The following UGT2A2 variants were observed in gnomAD, a reference collection of about 807,000 sequenced individuals.
The protein encoded by UGT2A2 is UDP-glucuronosyltransferase 2A2.
A neutral mutation model predicts 50.7 loss-of-function variants in UGT2A2; 60 were observed. The observed-to-expected ratio is 1.18, with a 90% CI of 0.96 to 1.47. The LOEUF is 1.47. Among genes scored for constraint, UGT2A2 ranks in the 40% most tolerant of loss-of-function variants. UGT2A2 has a pLI of 0.00. For missense variants in UGT2A2, 762 were observed against 634.0 expected (o/e 1.20, Z -2.17); for synonymous variants, 242 against 214.6 (o/e 1.13, Z -1.11).
intron 1 of UGT2A2, among the ~76,000 whole-genome samples, chr4:69,638,273 A>T (rs2109967230): frequency 6.6e-6 from 1 of 152,262 alleles, no homozygotes; most frequent in African/African-American, 2.4e-5. Context: ...AAAATAAGTA[A>T]TATAAACAAC....
rs146912371 is a variant in UGT2A2, at chr4:69,595,226, C to A, written c.1047G>T (p.Lys349Asn). ...TATTGTTTCCTAATGTGGCTGGTTTCTTTCCTTTGTATCTCCATAAAACCT... is the reference window on the plus strand; with the variant it reads ...TATTGTTTCCTAATGTGGCTGGTTTATTTCCTTTGTATCTCCATAAAACCT... ...PQKVLWRYKGKKPATLGNNTQ... is the reference protein window; with the variant it reads ...PQKVLWRYKGNKPATLGNNTQ... The change falls in exon 4 of 6, where the codon AAG (lysine) becomes AAT (asparagine). Residue 349 changes from lysine (K) to asparagine (N), a missense_variant. By Grantham distance (94) the Lys-to-Asn change is moderately conservative (BLOSUM62 0). Coordinates refer to ENST00000604629, the MANE Select transcript of UGT2A2 (RefSeq NM_001105677.2). 6,166 of 1,613,714 alleles carry A rather than the reference C, an allele frequency of 3.8e-3. 14 individuals are homozygous for A. Among genetic ancestry groups the A allele is most frequent in the Non-Finnish European group, 4.7e-3 (5,593 of 1,179,822 alleles).
chr4:69,621,832 A>C (rs988031945), intron 1 of UGT2A2, among the ~76,000 whole-genome samples: 1 of 151,912 alleles, frequency 6.6e-6, no homozygotes, highest in African/African-American at 2.4e-5. Flanking sequence ...TAAAAAGGAA[A>C]GAGAACATGT....
At chr4:69,590,661 TTGTG>T in intron 5 of UGT2A2, among the ~76,000 whole-genome samples, 1 of 134,840 alleles carries the variant, frequency 7.4e-6, no homozygotes, top group Middle Eastern at 3.9e-3. Context: ...GTGTGTGTGT[TTGTG>T]TGTCTGTCTG....
chr4:69,623,117 T>C (rs1720845668), intron 1 of UGT2A2, among the ~76,000 whole-genome samples: 1 of 151,860 alleles, frequency 6.6e-6, no homozygotes, highest in Admixed American at 6.6e-5. Flanking sequence ...CAATTATTAT[T>C]GCTTCCACAC....
chr4:69,593,942 A>AAAAT (rs1482567041), intron 5 of UGT2A2, among the ~76,000 whole-genome samples: 1 of 151,588 alleles, frequency 6.6e-6, no homozygotes, highest in Non-Finnish European at 1.5e-5. Context: ...TTTATTTTGA[A>AAAAT]AAATATTGAA....
chr4:69,635,335 T>A (rs534592610), intron 1 of UGT2A2, among the ~76,000 whole-genome samples: 44 of 152,256 alleles, frequency 2.9e-4, no homozygotes, highest in African/African-American at 9.4e-4. Flanking sequence ...TGCGCTGGGA[T>A]GGATAGAGAC....
chr4:69,627,020 T>C (rs1721099427), intron 1 of UGT2A2, among the ~76,000 whole-genome samples: 1 of 151,924 alleles, frequency 6.6e-6, no homozygotes, highest in Non-Finnish European at 1.5e-5. Context: ...TTTATTTTAT[T>C]AGATAATGGC....
At position 69,595,227 on chromosome 4, in the gene UGT2A2, T is replaced by C. The variant is rs1049718993; in HGVS notation, c.1046A>G (p.Lys349Arg). ...PQKVLWRYKG[K>R]KPATLGNNTQ... ...ATTGTTTCCTAATGTGGCTGGTTTC[T>C]TTCCTTTGTATCTCCATAAAACCTG... The change falls in exon 4 of 6, where the codon AAG (lysine) becomes AGG (arginine). Residue 349 changes from lysine to arginine, a missense_variant. Lys to Arg is a conservative substitution (Grantham distance 26, BLOSUM62 2). Transcript: ENST00000604629. 2 of 1,613,704 alleles carry C rather than the reference T, an allele frequency of 1.2e-6. No homozygotes were observed. Among genetic ancestry groups the C allele is most frequent in the African/African-American group, 2.7e-5 (2 of 74,898 alleles).
At position 69,604,753 on chromosome 4, in the gene UGT2A2, A is replaced by C. The variant is rs536809155; in HGVS notation, c.743-5359T>G. On this transcript the variant is annotated intron_variant, in intron 1 of 5. Coordinates refer to ENST00000604629, the MANE Select transcript of UGT2A2 (RefSeq NM_001105677.2). ...CTACCAAGCAAATGGAAAACAAAAA[A>C]AGGCAGGGGTTGCAATCCTAGTCTC... Among the ~76,000 whole-genome samples the C allele has an allele frequency of 5.6e-4, 76 of 136,626 alleles. 8 individuals are homozygous for C. The highest frequency in any genetic ancestry group is 1.7e-3 in the Admixed American group (24 of 13,844). The allele number at this position is 136,626 out of a possible 152,430, so 89.6% of individuals were successfully genotyped here. A position where few individuals can be genotyped will look rare whatever the true frequency, so the allele number is the denominator to read the frequency against.
At chr4:69,623,663 A>C (rs1010891420) in intron 1 of UGT2A2, among the ~76,000 whole-genome samples, 1 of 151,408 alleles carries the variant, frequency 6.6e-6, no homozygotes, top group Non-Finnish European at 1.5e-5. Context: ...AGGTATAAAA[A>C]ATTCTATAGT....
chr4:69,602,130 T>A (rs76978959), intron 1 of UGT2A2, among the ~76,000 whole-genome samples: 1 of 136,374 alleles, frequency 7.3e-6, no homozygotes, highest in Non-Finnish European at 1.6e-5. Flanking sequence ...ATTATAGTAA[T>A]GAAATGATAG....
At chr4:69,594,250 A>C (rs980811399) in intron 5 of UGT2A2, among the ~76,000 whole-genome samples, 5 of 152,134 alleles carry the variant, frequency 3.3e-5, no homozygotes, top group African/African-American at 1.2e-4. Flanking sequence ...CTAGGATTAC[A>C]AGCTTGAGCC....
rs1013716204 is a variant in UGT2A2, at chr4:69,603,885, C to T, written c.743-4491G>A. Among the ~76,000 whole-genome samples the T allele has an allele frequency of 1.3e-4, 17 of 135,864 alleles. 1 individual carries two copies. Among genetic ancestry groups the T allele is most frequent in the East Asian group, 8.3e-4 (4 of 4,822 alleles). The allele number at this position is 135,864 out of a possible 152,430, so 89.1% of individuals were successfully genotyped here. A position where few individuals can be genotyped will look rare whatever the true frequency, so the allele number is the denominator to read the frequency against. On this transcript the variant is annotated intron_variant, in intron 1 of 5. Transcript: ENST00000604629. Reference sequence around the variant, plus strand: ...TTAGAGAAAAAAGAATAAAAAGAAACGAACAAAGCCTCCAAGAAATATGGG... The same window carrying T: ...TTAGAGAAAAAAGAATAAAAAGAAATGAACAAAGCCTCCAAGAAATATGGG...
chr4:69,593,067 G>C (rs1313966835), intron 5 of UGT2A2, among the ~76,000 whole-genome samples: 1 of 152,162 alleles, frequency 6.6e-6, no homozygotes, highest in South Asian at 2.1e-4. Flanking sequence ...ATTTCCACAG[G>C]TCTGAAGGAA....
intron 1 of UGT2A2, among the ~76,000 whole-genome samples, chr4:69,627,534 A>AG (rs1721140777): frequency 7.2e-6 from 1 of 139,470 alleles, no homozygotes; most frequent in Non-Finnish European, 1.6e-5. Context: ...GAAAGAAAGA[A>AG]AGAGAGAGAG....
chr4:69,639,408 A>G lies in UGT2A2; in HGVS notation c.233T>C (p.Val78Ala), dbSNP rs1162896780. ...GGAAACAGGTATCACTTCAAAATTC[A>G]CAGGAGAATCGGGATTGGAGTTGAT... ...LFINSNPDSP[V>A]NFEVIPVSYK... The change falls in exon 1 of 6, where the codon GTG becomes GCG. Residue 78 changes from valine (V) to alanine (A), a missense_variant. Transcript: ENST00000604629. 2 of 1,613,476 alleles carry G rather than the reference A, an allele frequency of 1.2e-6. No individual in the cohort carries two copies. The highest frequency in any genetic ancestry group is 1.1e-5 in the South Asian group (1 of 90,990).
chr4:69,636,307 T>C (rs1721707640), intron 1 of UGT2A2, among the ~76,000 whole-genome samples: 1 of 152,194 alleles, frequency 6.6e-6, no homozygotes, highest in South Asian at 2.1e-4. Flanking sequence ...CCTCTTTCAA[T>C]ATCAGTTTAC....
At chr4:69,619,081 T>C (rs1309454347) in intron 1 of UGT2A2, among the ~76,000 whole-genome samples, 2 of 151,826 alleles carry the variant, frequency 1.3e-5, no homozygotes, top group African/African-American at 4.8e-5. Context: ...CAGAAAAAAG[T>C]TTATCAATAT....
At chr4:69,605,013 G>A (rs1176236738) in intron 1 of UGT2A2, among the ~76,000 whole-genome samples, 1 of 135,944 alleles carries the variant, frequency 7.4e-6, no homozygotes, top group Non-Finnish European at 1.6e-5. Context: ...ACAGATCAAT[G>A]AGACAGAAAG....
Sources: gnomAD v4.1 joint callset for allele counts (sites outside exome capture counted in the v4.1 genomes callset) on GRCh38, gnomAD v4.1.1 for gene constraint, MANE v1.5 for transcripts, NCBI Gene and HGNC (gene_info 2026-07-23, HGNC 2026-07-21) for gene names.